The following HMCN1 variants were observed in gnomAD, a reference collection of about 807,000 sequenced individuals.
HMCN1 encodes the protein hemicentin 1.
Under a neutral mutation model 625.9 loss-of-function variants are expected in HMCN1, and 321 were observed. That is an observed-to-expected ratio of 0.51 (90% confidence interval 0.47 to 0.56). HMCN1 has a LOEUF of 0.56. Ranked by LOEUF, HMCN1 falls within the 20% of genes least tolerant of loss-of-function variation. HMCN1 has a pLI of 0.00. For missense variants in HMCN1, 6,588 were observed against 6,887.3 expected (o/e 0.96, Z 1.54); for synonymous variants, 2,425 against 2,417.6 (o/e 1.00, Z -0.09).
chr1:186,146,721 C>G (rs2102561116), intron 93 of HMCN1, among the ~76,000 whole-genome samples: 1 of 152,280 alleles, frequency 6.6e-6, no homozygotes, highest in South Asian at 2.1e-4. Flanking sequence ...ACATTATCGA[C>G]TAATTAACAA....
At chr1:185,999,234 GT>G (rs1653010917) in intron 25 of HMCN1, among the ~76,000 whole-genome samples, 2 of 151,644 alleles carry the variant, frequency 1.3e-5, no homozygotes, top group Non-Finnish European at 1.5e-5. Flanking sequence ...TTTATTTAAT[GT>G]TTTTTATTAT....
rs770383703 is a variant in HMCN1, at chr1:185,922,407, G to T, written c.929G>T (p.Arg310Leu). ...KTSSSGRHSV[R>L]ITGLSTIDFR... is the part of the protein sequence containing the mutation. ...TCAAGCAGTGGAAGGCACTCTGTTCGCATTACTGGCCTCAGTACTATTGAT... is the reference window on the plus strand; with the variant it reads ...TCAAGCAGTGGAAGGCACTCTGTTCTCATTACTGGCCTCAGTACTATTGAT... The change falls in exon 7 of 107, where the codon CGC (arginine) becomes CTC (leucine). Residue 310 changes from arginine to leucine, a missense_variant. Around this residue, in one of 3 missense-constraint regions of HMCN1, gnomAD observed 4,628 missense variants for 4,853.1 expected, o/e 0.95. Transcript: ENST00000271588. 3.1e-6 allele frequency: 5 copies of T among 1,613,374 alleles called. No individual in the cohort carries two copies. Among genetic ancestry groups the T allele is most frequent in the Non-Finnish European group, 4.2e-6 (5 of 1,179,714 alleles).
intron 36 of HMCN1, among the ~76,000 whole-genome samples, chr1:186,026,747 A>G (rs1044107818): frequency 6.6e-6 from 1 of 151,688 alleles, no homozygotes; most frequent in African/African-American, 2.4e-5. Flanking sequence ...TGATCTTCCC[A>G]CCTCAGCCTC....
chr1:186,052,020 G>T (rs1225357212), intron 42 of HMCN1, among the ~76,000 whole-genome samples: 2 of 151,950 alleles, frequency 1.3e-5, no homozygotes, highest in Admixed American at 6.6e-5. Flanking sequence ...TATTTAGACT[G>T]GTTATACATG....
intron 4 of HMCN1, among the ~76,000 whole-genome samples, chr1:185,882,921 T>C (rs1664399911): frequency 6.6e-6 from 1 of 152,128 alleles, no homozygotes; most frequent in Non-Finnish European, 1.5e-5. Flanking sequence ...GACTCTTGAA[T>C]TCTTGTGCCT....
intron 71 of HMCN1, among the ~76,000 whole-genome samples, chr1:186,109,406 T>C (rs1239963443): frequency 2.0e-5 from 3 of 152,208 alleles, no homozygotes; most frequent in African/African-American, 7.2e-5. Flanking sequence ...AACCCTCCAG[T>C]ACTTCAGTTT....
chr1:185,850,104 A>G (rs1439412415), intron 2 of HMCN1, among the ~76,000 whole-genome samples: 1 of 152,184 alleles, frequency 6.6e-6, no homozygotes. Flanking sequence ...TGTAGCTCGT[A>G]TTAACCTGTG....
chr1:186,042,034 T>C (rs758615477), intron 40 of HMCN1, among the ~76,000 whole-genome samples: 2 of 152,146 alleles, frequency 1.3e-5, no homozygotes, highest in Non-Finnish European at 2.9e-5. Flanking sequence ...ACATATATTG[T>C]TATATAATTT....
intron 1 of HMCN1, among the ~76,000 whole-genome samples, chr1:185,769,739 A>G (rs1315703522): frequency 1.3e-5 from 2 of 152,128 alleles, no homozygotes; most frequent in African/African-American, 4.8e-5. Flanking sequence ...GTCTGGTCTT[A>G]CTGATGCCTG....
intron 101 of HMCN1, 86 bp downstream of exon 101, chr1:186,171,536 G>T: frequency 9.5e-7 from 1 of 1,057,254 alleles, no homozygotes; most frequent in Non-Finnish European, 1.5e-6. Flanking sequence ...CTGTGTCTTG[G>T]TACTGGTTCC....
chr1:185,874,304 C>G (rs1255486009), intron 4 of HMCN1, among the ~76,000 whole-genome samples: 1 of 151,836 alleles, frequency 6.6e-6, no homozygotes, highest in Non-Finnish European at 1.5e-5. Context: ...TTTGGTTCAA[C>G]CTAAAAATAT....
chr1:186,054,005 A>T lies in HMCN1; in HGVS notation c.6862+19A>T. 6.2e-7 allele frequency: 1 copy of T among 1,609,852 alleles called. No individual in the cohort carries two copies. Among genetic ancestry groups the T allele is most frequent in the Non-Finnish European group, 8.5e-7 (1 of 1,177,752 alleles). ...GTTTACAGTAAGTTGTTGATTAGCCAGGCTTTGGCAAAATGTTCTCTTAAA... is the reference window on the plus strand; with the variant it reads ...GTTTACAGTAAGTTGTTGATTAGCCTGGCTTTGGCAAAATGTTCTCTTAAA... On this transcript the variant is annotated intron_variant, in intron 44 of 106. Coordinates refer to ENST00000271588, the MANE Select transcript of HMCN1 (RefSeq NM_031935.3).
At chr1:185,955,929 C>T (rs573642379) in intron 11 of HMCN1, among the ~76,000 whole-genome samples, 1 of 152,258 alleles carries the variant, frequency 6.6e-6, no homozygotes, top group Middle Eastern at 3.4e-3. Context: ...CATTCTTATT[C>T]TAGTTCTATT....
At chr1:186,058,313 G>GATT (rs1396727238) in intron 46 of HMCN1, among the ~76,000 whole-genome samples, 2 of 151,864 alleles carry the variant, frequency 1.3e-5, no homozygotes, top group Non-Finnish European at 2.9e-5. Flanking sequence ...AATACAATGC[G>GATT]ATTATCAAGA....
intron 1 of HMCN1, among the ~76,000 whole-genome samples, chr1:185,809,546 A>G (rs1000649089): frequency 6.6e-6 from 1 of 151,860 alleles, no homozygotes; most frequent in African/African-American, 2.4e-5. Context: ...TGAAATTCCT[A>G]CTGTGCATCT....
At chr1:186,044,037 T>C (rs1656385743) in intron 40 of HMCN1, among the ~76,000 whole-genome samples, 1 of 152,070 alleles carries the variant, frequency 6.6e-6, no homozygotes, top group Admixed American at 6.6e-5. Flanking sequence ...GCCGAGATCA[T>C]GCCATTGCAC....
chr1:186,113,623 C>A (rs1046054466), intron 72 of HMCN1, among the ~76,000 whole-genome samples: 1 of 152,136 alleles, frequency 6.6e-6, no homozygotes, highest in Non-Finnish European at 1.5e-5. Flanking sequence ...TGAAGCTGTT[C>A]CAGTGTTAGC....
In HMCN1 at chr1:186,151,737, G is replaced by T; in HGVS notation, c.14890G>T (p.Ala4964Ser). ...VFKRETQVEFATGEILQMSHI... is the reference protein window; with the variant it reads ...VFKRETQVEFSTGEILQMSHI... ...CAAAAGAGAAACTCAAGTGGAATTT[G>T]CAACTGGTTAGTGTCAGCTGAATTT... Residue 4964 changes from alanine to serine, a missense_variant, in exon 95 of 107, where the codon GCA (alanine) becomes TCA (serine). Ala to Ser is a moderately conservative substitution (Grantham distance 99, BLOSUM62 1). Coordinates refer to ENST00000271588, the MANE Select transcript of HMCN1 (RefSeq NM_031935.3). 1 of 1,613,584 alleles carries T rather than the reference G, an allele frequency of 6.2e-7. No individual in the cohort carries two copies. Among genetic ancestry groups the T allele is most frequent in the Non-Finnish European group, 8.5e-7 (1 of 1,179,648 alleles).
chr1:185,987,631 G>A, intron 20 of HMCN1, 87 bp downstream of exon 20: 2 of 902,250 alleles, frequency 2.2e-6, no homozygotes, highest in Non-Finnish European at 3.8e-6. Flanking sequence ...AGGAGGCTCA[G>A]GAGTGGGGCA....
Sources: allele counts gnomAD v4.1 joint callset (sites outside exome capture counted in the v4.1 genomes callset), GRCh38; gene constraint gnomAD v4.1.1; regional missense constraint gnomAD v4.1.1; transcripts MANE v1.5; gene names NCBI Gene and HGNC (gene_info 2026-07-23, HGNC 2026-07-21).